The following UGT1A7 variants were observed in gnomAD, a reference collection of about 807,000 sequenced individuals.
UGT1A7 encodes the protein UDP-glucuronosyltransferase 1A7.
Under a neutral mutation model 45.6 loss-of-function variants are expected in UGT1A7, and 33 were observed. That is an observed-to-expected ratio of 0.72 (90% CI 0.55 to 0.97). The LOEUF (loss-of-function observed/expected upper bound fraction) is 0.97, where lower values mean the gene tolerates loss of function less well. UGT1A7 is among the 50% of genes least tolerant of loss of function. The probability of loss-of-function intolerance (pLI) is 0.00; values close to 1 mark genes in which losing one functional copy is unlikely to be tolerated. For synonymous variants in UGT1A7, 274 were observed against 250.6 expected, an observed-to-expected ratio of 1.09 and a Z score of -0.88; for missense variants, 684 against 666.2, an observed-to-expected ratio of 1.03 and a Z score of -0.29.
chr2:233,732,755 G>GA (rs1553614027), intron 1 of UGT1A7, among the ~76,000 whole-genome samples: 1 of 120,226 alleles, frequency 8.3e-6, no homozygotes, highest in Non-Finnish European at 1.8e-5. Flanking sequence ...CACCAGCTTT[G>GA]TTTTTTTTTT....
intron 1 of UGT1A7, among the ~76,000 whole-genome samples, chr2:233,722,827 A>G (rs908422971): frequency 6.7e-6 from 1 of 149,568 alleles, no homozygotes; most frequent in East Asian, 1.9e-4. Context: ...GTTATTTTGT[A>G]TTATAATAAG....
chr2:233,767,017 T>G lies in UGT1A7; in HGVS notation c.856-17T>G, dbSNP rs779272297. On this transcript the variant is annotated splice_polypyrimidine_tract_variant and intron_variant, in intron 1 of 4. Transcript: ENST00000373426. Reference sequence around the variant, plus strand: ...ATATGAGAAAAAATTAACTGAAAATTTTTCTTCTGGCTCTAGGAATTTGAA... The same window carrying G: ...ATATGAGAAAAAATTAACTGAAAATGTTTCTTCTGGCTCTAGGAATTTGAA... The G allele has an allele frequency of 6.2e-7, 1 of 1,613,758 alleles. No individual in the cohort carries two copies. The highest frequency in any genetic ancestry group is 8.5e-7 in the Non-Finnish European group (1 of 1,179,982).
At chr2:233,731,359 A>G (rs2078149638) in intron 1 of UGT1A7, among the ~76,000 whole-genome samples, 1 of 151,208 alleles carries the variant, frequency 6.6e-6, no homozygotes, top group Admixed American at 6.6e-5. Context: ...ATAGGTATAC[A>G]TGTGCCATGT....
intron 1 of UGT1A7, among the ~76,000 whole-genome samples, chr2:233,699,760 A>G (rs921054615): frequency 7.9e-5 from 12 of 152,218 alleles, no homozygotes; most frequent in African/African-American, 2.4e-4. Context: ...CCAGTTCCTC[A>G]GGACTAGTTC....
chr2:233,743,731 G>A (rs373030535), intron 1 of UGT1A7: 15 of 1,367,244 alleles, frequency 1.1e-5, no homozygotes, highest in Middle Eastern at 2.1e-4. Flanking sequence ...CATAGATATC[G>A]CGTTTCTTGG....
intron 1 of UGT1A7, chr2:233,713,512 G>A (rs1272104419): frequency 4.3e-6 from 7 of 1,613,772 alleles, no homozygotes; most frequent in Non-Finnish European, 5.9e-6. Flanking sequence ...TTTTTCTTGA[G>A]GAACATTCCA....
At chr2:233,719,005 C>A in intron 1 of UGT1A7, 1 of 1,614,252 alleles carries the variant, frequency 6.2e-7, no homozygotes, top group Non-Finnish European at 8.5e-7. Context: ...GTGGTCCTCA[C>A]CCCAGAGGTG....
At chr2:233,748,764 A>G (rs1260717219) in intron 1 of UGT1A7, among the ~76,000 whole-genome samples, 3 of 151,530 alleles carry the variant, frequency 2.0e-5, no homozygotes, top group Non-Finnish European at 4.4e-5. Flanking sequence ...TTTTGGTTGC[A>G]GGTCAATTGG....
At chr2:233,771,865 A>G (rs1241166548) in intron 4 of UGT1A7, among the ~76,000 whole-genome samples, 1 of 149,352 alleles carries the variant, frequency 6.7e-6, no homozygotes, top group Non-Finnish European at 1.5e-5. Context: ...GATCAATAAC[A>G]TTTATTAAGA....
chr2:233,760,957 G>A (rs775797489), intron 1 of UGT1A7: 40 of 1,614,066 alleles, frequency 2.5e-5, no homozygotes, highest in Admixed American at 3.3e-5. Flanking sequence ...CTTTCTGTGC[G>A]ACGTGGTTTA....
chr2:233,743,662 G>T (rs34622615), intron 1 of UGT1A7: 40,924 of 1,367,182 alleles, frequency 0.03, 778 homozygotes, highest in African/African-American at 0.053. Flanking sequence ...ACTCGAAGGG[G>T]TCCTCGAAGG....
chr2:233,713,080 A>G (rs1178501043), intron 1 of UGT1A7: 1 of 1,614,182 alleles, frequency 6.2e-7, no homozygotes, highest in Non-Finnish European at 8.5e-7. Flanking sequence ...GAGAGTGGGA[A>G]GGTGCTGGTG....
rs1243580572 is a variant in UGT1A7 at position 233,689,974 on chromosome 2, A to G, written c.855+7182A>G. ...TATTTCCATGCTTGGAGGAACCCAC[A>G]GGCCCCTAAAAGGGATTCTCACTTC... On this transcript the variant is annotated intron_variant, in intron 1 of 4. Coordinates refer to ENST00000373426, the MANE Select transcript of UGT1A7 (RefSeq NM_019077.3). 12 of 455,280 alleles carry G rather than the reference A, an allele frequency of 2.6e-5. No homozygotes were observed. The East Asian group carries it at 7.7e-4, about 29-fold the overall frequency. 28.2% of individuals were successfully genotyped at this position (455,280 alleles called of 1,614,324 possible). A position where few individuals can be genotyped will look rare whatever the true frequency, so the allele number is the denominator to read the frequency against.
In UGT1A7 at chr2:233,682,006, C is replaced by T; in HGVS notation, c.69C>T (p.Ala23=). Residue 23 remains alanine (A), a synonymous_variant, in exon 1 of 5, where the codon GCC becomes GCT. Transcript: ENST00000373426. The part of the protein sequence containing the change: ...YVCLLLTCGF[A]KAGKLLVVPM... Reference sequence around the variant, plus strand: ...GTCTACTGCTGACCTGTGGCTTTGCCAAGGCAGGGAAGCTGCTGGTAGTGC... The same window carrying T: ...GTCTACTGCTGACCTGTGGCTTTGCTAAGGCAGGGAAGCTGCTGGTAGTGC... 8 of 1,614,136 alleles carry T rather than the reference C, an allele frequency of 5.0e-6. No homozygotes were observed. Among genetic ancestry groups the T allele is most frequent in the Non-Finnish European group, 6.8e-6 (8 of 1,180,012 alleles).
At chr2:233,750,456 A>G (rs1220214854) in intron 1 of UGT1A7, among the ~76,000 whole-genome samples, 2 of 151,996 alleles carry the variant, frequency 1.3e-5, no homozygotes, top group Non-Finnish European at 2.9e-5. Flanking sequence ...CAAACCAGCT[A>G]CAGAAATACT....
At chr2:233,736,495 T>A (rs1388265552) in intron 1 of UGT1A7, among the ~76,000 whole-genome samples, 4 of 152,228 alleles carry the variant, frequency 2.6e-5, no homozygotes, top group Admixed American at 2.6e-4. Context: ...CTACCAAACT[T>A]CTGAAGCCTA....
At chr2:233,756,127 T>C (rs1396656487) in intron 1 of UGT1A7, 2 of 152,258 alleles carry the variant, frequency 1.3e-5, no homozygotes, top group African/African-American at 4.8e-5. Context: ...TGTAAAATTC[T>C]CCTGAAAAAT....
chr2:233,716,908 C>G (rs1308471683), intron 1 of UGT1A7, among the ~76,000 whole-genome samples: 2 of 152,142 alleles, frequency 1.3e-5, no homozygotes, highest in Non-Finnish European at 2.9e-5. Context: ...TCTCCAGACC[C>G]TGGAAGCTGA....
At chr2:233,748,132 A>T in intron 1 of UGT1A7, 1 of 1,610,152 alleles carries the variant, frequency 6.2e-7, no homozygotes, top group Middle Eastern at 2.1e-4. Flanking sequence ...CAGTTTTTAA[A>T]AATTGTATTT....
Sources: allele counts gnomAD v4.1 joint callset (sites outside exome capture counted in the v4.1 genomes callset), GRCh38; gene constraint gnomAD v4.1.1; transcripts MANE v1.5; gene names NCBI Gene and HGNC (gene_info 2026-07-23, HGNC 2026-07-21).